The following ANKRD30A variants were observed in gnomAD, a reference collection of about 807,000 sequenced individuals.
The protein encoded by ANKRD30A is ankyrin repeat domain-containing protein 30A.
In ANKRD30A, 170 loss-of-function variants were observed where a neutral mutation model predicts 166.3. That is an observed-to-expected ratio of 1.02 (90% CI 0.90 to 1.16). ANKRD30A has a LOEUF of 1.16. Among genes scored for constraint, ANKRD30A ranks in the 50% most tolerant of loss-of-function variants. The pLI is 0.00. For missense variants in ANKRD30A, 1,630 were observed against 1,518.0 expected (o/e 1.07, Z -1.23); for synonymous variants, 564 against 508.9 (o/e 1.11, Z -1.46).
intron 11 of ANKRD30A, 83 bp from the exon 12 acceptor site, chr10:37,151,977 A>G (rs1489491992): frequency 1.6e-5 from 20 of 1,259,772 alleles, no homozygotes; most frequent in Non-Finnish European, 1.1e-6. Context: ...CAGATTCGTG[A>G]ATGAAAGTAG....
At chr10:37,215,749 G>A (rs146051358) in intron 31 of ANKRD30A, among the ~76,000 whole-genome samples, 1 of 151,364 alleles carries the variant, frequency 6.6e-6, no homozygotes, top group Non-Finnish European at 1.5e-5. Context: ...AATACCCATT[G>A]TTCTCTTTTG....
chr10:37,265,713 A>G, the ANKRD30A span, among the ~76,000 whole-genome samples: 1 of 152,226 alleles, frequency 6.6e-6, no homozygotes, highest in Admixed American at 6.5e-5. Context: ...CGTTTAAAGG[A>G]GGATGTTCAT....
the ANKRD30A span, among the ~76,000 whole-genome samples, chr10:37,251,782 T>G: frequency 1.3e-5 from 2 of 152,210 alleles, no homozygotes; most frequent in Non-Finnish European, 2.9e-5. Flanking sequence ...TTGCTTATTT[T>G]CATGTGATTT....
chr10:37,234,166 A>C (rs1197774415), downstream of ANKRD30A, among the ~76,000 whole-genome samples: 2 of 152,300 alleles, frequency 1.3e-5, no homozygotes, highest in Admixed American at 6.5e-5. Flanking sequence ...CATGAAGTTT[A>C]GCCTTACCAC....
the ANKRD30A span, among the ~76,000 whole-genome samples, chr10:37,251,963 T>C: frequency 6.6e-6 from 1 of 152,128 alleles, no homozygotes; most frequent in African/African-American, 2.4e-5. Context: ...AAAAACTGAT[T>C]CGAGGTTAAA....
At chr10:37,233,645 G>A (rs887923250), downstream of ANKRD30A, among the ~76,000 whole-genome samples, 34 of 152,010 alleles carry the variant, frequency 2.2e-4, no homozygotes, top group African/African-American at 7.7e-4. Flanking sequence ...AATCATGTTC[G>A]ACTTAATAAT....
intron 7 of ANKRD30A, among the ~76,000 whole-genome samples, chr10:37,142,754 A>T (rs1837237974): frequency 6.6e-6 from 1 of 151,448 alleles, no homozygotes; most frequent in Non-Finnish European, 1.5e-5. Flanking sequence ...ACACCTGGAT[A>T]ATTTTTTGTA....
chr10:37,145,898 A>G (rs1308823693), intron 8 of ANKRD30A, among the ~76,000 whole-genome samples: 1 of 152,418 alleles, frequency 6.6e-6, no homozygotes, highest in South Asian at 2.1e-4. Flanking sequence ...ATAGGAAACC[A>G]GTGGGACTAT....
At chr10:37,146,576 C>T (rs1196093220) in intron 8 of ANKRD30A, among the ~76,000 whole-genome samples, 4 of 152,122 alleles carry the variant, frequency 2.6e-5, no homozygotes, top group Non-Finnish European at 5.9e-5. Context: ...CAGCTGAGGG[C>T]GTCTGAGTGG....
intron 24 of ANKRD30A, among the ~76,000 whole-genome samples, chr10:37,184,002 G>A: frequency 6.6e-6 from 1 of 151,712 alleles, no homozygotes; most frequent in East Asian, 1.9e-4. Context: ...CAAAAAATTA[G>A]CCGGACGTGG....
the ANKRD30A span, among the ~76,000 whole-genome samples, chr10:37,240,635 T>G: frequency 6.6e-6 from 1 of 152,168 alleles, no homozygotes; most frequent in Non-Finnish European, 1.5e-5. Context: ...AATTTCACAG[T>G]GATCTTCCTC....
chr10:37,162,713 T>A (rs1235164018), intron 16 of ANKRD30A, 36 bp downstream of exon 16: 1 of 1,613,134 alleles, frequency 6.2e-7, no homozygotes, highest in Admixed American at 1.7e-5. Flanking sequence ...GAATGACTTA[T>A]TATCTATGTA....
intron 34 of ANKRD30A, among the ~76,000 whole-genome samples, chr10:37,227,338 T>C (rs1002940679): frequency 9.2e-5 from 14 of 151,966 alleles, no homozygotes; most frequent in Non-Finnish European, 1.8e-4. Context: ...CCAACTTTTT[T>C]CTTTTGCATA....
intron 29 of ANKRD30A, among the ~76,000 whole-genome samples, chr10:37,197,782 A>G (rs1029513935): frequency 1.3e-5 from 2 of 151,386 alleles, no homozygotes; most frequent in Non-Finnish European, 2.9e-5. Context: ...TTGAAACTCC[A>G]ATTTCTTTTT....
intron 31 of ANKRD30A, among the ~76,000 whole-genome samples, chr10:37,203,286 C>T (rs1049425299): frequency 1.3e-5 from 2 of 152,166 alleles, no homozygotes; most frequent in Admixed American, 1.3e-4. Flanking sequence ...GCTTATCCAC[C>T]ATGATCAAGT....
chr10:37,153,777 A>G, intron 13 of ANKRD30A, 115 bp downstream of exon 13: 2 of 1,400,970 alleles, frequency 1.4e-6, no homozygotes, highest in Non-Finnish European at 2.0e-6. Context: ...ACCATGGAAA[A>G]AAAGAGAAGT....
At chr10:37,194,752 T>G (rs1840931575) in intron 27 of ANKRD30A, among the ~76,000 whole-genome samples, 1 of 152,152 alleles carries the variant, frequency 6.6e-6, no homozygotes, top group Non-Finnish European at 1.5e-5. Flanking sequence ...TAGCTCTGCT[T>G]TGATTTAAGA....
At chr10:37,192,288 C>T (rs1226178928) in intron 25 of ANKRD30A, among the ~76,000 whole-genome samples, 1 of 151,972 alleles carries the variant, frequency 6.6e-6, no homozygotes, top group African/African-American at 2.4e-5. Flanking sequence ...CAGAGATCCG[C>T]CCTCCTCGGC....
Position 37,141,840 on chromosome 10 carries a change from G to A in ANKRD30A, c.943G>A (p.Asp315Asn), listed in dbSNP as rs1420331574. Reference sequence around the variant, plus strand: ...TGCACCCTTGGTGGAAAGAACACCTGACACGGCTGAAAGCTTGGTGGAAAA... The same window carrying A: ...TGCACCCTTGGTGGAAAGAACACCTAACACGGCTGAAAGCTTGGTGGAAAA... ...EAAPLVERTP[D>N]TAESLVEKTP... Residue 315 changes from aspartate to asparagine, a missense_variant, in exon 7 of 36, where the codon GAC (aspartate) becomes AAC (asparagine). Around this residue, in one of 4 missense-constraint regions of ANKRD30A, gnomAD observed 904 missense variants for 818.5 expected, o/e 1.10. Transcript: ENST00000361713. 1 of 1,613,784 alleles carries A rather than the reference G, an allele frequency of 6.2e-7. No individual in the cohort carries two copies. Among genetic ancestry groups the A allele is most frequent in the African/African-American group, 1.3e-5 (1 of 74,894 alleles).
Sources: allele counts gnomAD v4.1 joint callset (sites outside exome capture counted in the v4.1 genomes callset), GRCh38; gene constraint gnomAD v4.1.1; regional missense constraint gnomAD v4.1.1; transcripts MANE v1.5; gene names NCBI Gene and HGNC (gene_info 2026-07-23, HGNC 2026-07-21).